The following PDE10A variants were observed in gnomAD, a reference collection of about 807,000 sequenced individuals.
PDE10A encodes phosphodiesterase 10A.
In PDE10A, 39 loss-of-function variants were observed where a neutral mutation model predicts 97.7. The observed-to-expected ratio is 0.40, with a 90% CI of 0.31 to 0.52. The LOEUF (loss-of-function observed/expected upper bound fraction) is 0.52. PDE10A is among the 20% of genes least tolerant of loss of function. The pLI, the probability that PDE10A is intolerant of heterozygous loss-of-function variation, is 0.56. For synonymous variants in PDE10A, 371 were observed against 376.8 expected (o/e 0.98, Z 0.18); for missense variants, 731 against 1,047.8 (o/e 0.70, Z 4.17).
At chr6:165,437,385 T>C (rs1790105262) in intron 5 of PDE10A, among the ~76,000 whole-genome samples, 1 of 152,304 alleles carries the variant, frequency 6.6e-6, no homozygotes, top group Non-Finnish European at 1.5e-5. Context: ...ATAAAATATG[T>C]ATTGCTTCTG....
At chr6:165,787,371 C>T (rs977839968) in intron 1 of PDE10A, among the ~76,000 whole-genome samples, 1 of 152,120 alleles carries the variant, frequency 6.6e-6, no homozygotes, top group Admixed American at 6.5e-5. Context: ...TGTTACAGCC[C>T]GGGTGAGGGC....
At chr6:165,555,428 C>A (rs1407653890) in intron 1 of PDE10A, among the ~76,000 whole-genome samples, 1 of 152,190 alleles carries the variant, frequency 6.6e-6, no homozygotes, top group African/African-American at 2.4e-5. Context: ...ATAATCCATG[C>A]AAACACCTGA....
intron 1 of PDE10A, among the ~76,000 whole-genome samples, chr6:165,691,110 C>CCT (rs1554305975): frequency 1.6e-5 from 1 of 62,340 alleles, no homozygotes; most frequent in Non-Finnish European, 3.3e-5. Flanking sequence ...TCTCTCTCCC[C>CCT]CCCCCCATCA....
intron 1 of PDE10A, among the ~76,000 whole-genome samples, chr6:165,934,978 G>A (rs981516532): frequency 6.6e-6 from 1 of 152,116 alleles, no homozygotes; most frequent in South Asian, 2.1e-4. Flanking sequence ...GCAAATTTGG[G>A]GCTCAAAAAG....
At chr6:165,799,080 G>C (rs1327911110) in intron 1 of PDE10A, among the ~76,000 whole-genome samples, 4 of 152,150 alleles carry the variant, frequency 2.6e-5, no homozygotes, top group Non-Finnish European at 4.4e-5. Flanking sequence ...AAGACAACAG[G>C]CTCCATGGAA....
intron 1 of PDE10A, among the ~76,000 whole-genome samples, chr6:165,658,859 A>G (rs1417940921): frequency 6.6e-6 from 1 of 152,092 alleles, no homozygotes; most frequent in African/African-American, 2.4e-5. Context: ...TGGCCTGATA[A>G]GGGCAGAGTA....
At chr6:165,466,494 G>A (rs1299971510) in intron 3 of PDE10A, among the ~76,000 whole-genome samples, 1 of 152,190 alleles carries the variant, frequency 6.6e-6, no homozygotes, top group African/African-American at 2.4e-5. Flanking sequence ...GCTCTTTGTA[G>A]ATATTGCATG....
chr6:165,393,498 A>C (rs758244044), intron 15 of PDE10A, among the ~76,000 whole-genome samples: 50 of 151,980 alleles, frequency 3.3e-4, no homozygotes, highest in Non-Finnish European at 6.5e-4. Context: ...AGGCTTTCTA[A>C]AATACCAGGG....
At position 165,339,383 on chromosome 6, in the gene PDE10A, T is replaced by C. The variant is rs751817503; in HGVS notation, c.2896-25A>G. On this transcript the variant is annotated intron_variant, in intron 19 of 21. Transcript: ENST00000539869. The stretch of plus-strand genomic sequence containing the variant: ...CCTAAGATGAATGGGGAGAAAATCA[T>C]GCTTTCTCAAATTTCAAATTGCTAT... The C allele has an allele frequency of 2.9e-6, 4 of 1,365,048 alleles. No homozygotes were observed. In the South Asian group the frequency reaches 4.7e-5, roughly 16 times the overall value. 84.6% of individuals were successfully genotyped at this position (1,365,048 alleles called of 1,614,324 possible). A position where few individuals can be genotyped will look rare whatever the true frequency, so the allele number is the denominator to read the frequency against.
intron 1 of PDE10A, among the ~76,000 whole-genome samples, chr6:165,902,713 C>CCAGG (rs1782148490): frequency 6.6e-6 from 1 of 152,174 alleles, no homozygotes; most frequent in Non-Finnish European, 1.5e-5. Context: ...ACGGGCTGTT[C>CCAGG]TTGCCAGTGG....
In PDE10A at chr6:165,449,521, T is replaced by C. The variant is rs1437583775; in HGVS notation, c.1145-544A>G. ...AATTAAACCCCTACTTAACTCCTTT[T>C]TACCTGTGTGACTTTGGGTAAGATG... On this transcript the variant is annotated intron_variant, in intron 4 of 21. Coordinates refer to ENST00000539869, the MANE Select transcript of PDE10A (RefSeq NM_001385079.1). 2.0e-5 allele frequency among the ~76,000 whole-genome samples: 3 copies of C among 152,164 alleles called. No homozygotes were observed. The East Asian group carries it at 5.8e-4, about 29-fold the overall frequency.
chr6:165,680,871 G>A (rs561335462), intron 1 of PDE10A, among the ~76,000 whole-genome samples: 2 of 152,276 alleles, frequency 1.3e-5, no homozygotes, highest in East Asian at 1.9e-4. Context: ...GTGACAGAGC[G>A]AGACTCCATC....
At position 165,398,908 on chromosome 6, in the gene PDE10A, C is replaced by T. The variant is rs1365198893; in HGVS notation, c.2077-2449G>A. 3.9e-5 allele frequency among the ~76,000 whole-genome samples: 6 copies of T among 152,092 alleles called. No individual in the cohort carries two copies. In the East Asian group the frequency reaches 1.2e-3, roughly 29 times the overall value. On this transcript the variant is annotated intron_variant, in intron 13 of 21. Transcript: ENST00000539869. Reference sequence around the variant, plus strand: ...ACTGTCAGATTGAATAAAAAAGTATCAGCCAACTATATACTGCTTACAAGA... The same window carrying T: ...ACTGTCAGATTGAATAAAAAAGTATTAGCCAACTATATACTGCTTACAAGA...
intron 2 of PDE10A, among the ~76,000 whole-genome samples, chr6:165,500,676 G>C (rs1780816962): frequency 1.3e-5 from 2 of 152,062 alleles, no homozygotes; most frequent in Admixed American, 1.3e-4. Context: ...CCCATAAAGG[G>C]TCTGTGCTGA....
chr6:165,576,742 C>T (rs1390691539), intron 1 of PDE10A, among the ~76,000 whole-genome samples: 1 of 152,162 alleles, frequency 6.6e-6, no homozygotes, highest in Non-Finnish European at 1.5e-5. Context: ...CTTCTTCAGT[C>T]CCTAAATGCA....
intron 1 of PDE10A, among the ~76,000 whole-genome samples, chr6:165,603,237 T>C (rs886235946): frequency 6.6e-6 from 1 of 152,148 alleles, no homozygotes; most frequent in Admixed American, 6.5e-5. Flanking sequence ...CATCCAGCCA[T>C]GTTGAGGAAC....
intron 1 of PDE10A, among the ~76,000 whole-genome samples, chr6:165,575,198 C>G (rs750254314): frequency 6.6e-6 from 1 of 152,220 alleles, no homozygotes; most frequent in Non-Finnish European, 1.5e-5. Flanking sequence ...CCACCCCACA[C>G]TAGGTAAACC....
At chr6:165,478,050 C>T (rs1301772333) in intron 3 of PDE10A, among the ~76,000 whole-genome samples, 1 of 152,156 alleles carries the variant, frequency 6.6e-6, no homozygotes, top group Non-Finnish European at 1.5e-5. Flanking sequence ...TTATACACCA[C>T]GAACTCCCAA....
intron 1 of PDE10A, among the ~76,000 whole-genome samples, chr6:165,575,816 T>C (rs545844808): frequency 3.3e-5 from 5 of 152,334 alleles, no homozygotes; most frequent in Admixed American, 3.3e-4. Flanking sequence ...ACTTTCCAAA[T>C]TGCTAAATAT....
Sources: allele counts gnomAD v4.1 joint callset (sites outside exome capture counted in the v4.1 genomes callset), GRCh38; gene constraint gnomAD v4.1.1; transcripts MANE v1.5; gene names NCBI Gene and HGNC (gene_info 2026-07-23, HGNC 2026-07-21).